Variants in PADI3 observed in about 807,000 individuals in gnomAD.
The protein encoded by PADI3 is peptidyl arginine deiminase 3.
PADI3 carries 53 observed loss-of-function variants against 71.5 expected under a neutral mutation model. The observed-to-expected ratio is 0.74, with a 90% CI of 0.59 to 0.93. The LOEUF is 0.93. PADI3 is among the 40% of genes least tolerant of loss of function. The pLI is 0.00. For synonymous variants in PADI3, 361 were observed against 347.5 expected, an observed-to-expected ratio of 1.04 and a Z score of -0.43; for missense variants, 821 against 868.0, an observed-to-expected ratio of 0.95 and a Z score of 0.68.
In PADI3 at chr1:17,280,291, C is replaced by G. The variant is rs374950719; in HGVS notation, c.1556-59C>G. 296 of 1,326,156 alleles carry G rather than the reference C, an allele frequency of 2.2e-4. 3 individuals are homozygous for G. The African/African-American group carries it at 3.7e-3, about 16-fold the overall frequency. 82.1% of individuals were successfully genotyped at this position (1,326,156 alleles called of 1,614,324 possible). On this transcript the variant is annotated intron_variant, in intron 13 of 15. Coordinates refer to ENST00000375460, the MANE Select transcript of PADI3 (RefSeq NM_016233.2). ...GCTCCTGCCTGTCTGCTTCCCTAAGCAGGTGGTCCTCACGTTGGTGCTGTC... is the reference window on the plus strand; with the variant it reads ...GCTCCTGCCTGTCTGCTTCCCTAAGGAGGTGGTCCTCACGTTGGTGCTGTC...
intron 15 of PADI3, among the ~76,000 whole-genome samples, chr1:17,281,609 C>A (rs1391354880): frequency 6.6e-6 from 1 of 152,026 alleles, no homozygotes; most frequent in South Asian, 2.1e-4. Flanking sequence ...TGCACCACCA[C>A]GCCCGGCTAA....
chr1:17,256,030 G>T (rs1309056079), intron 1 of PADI3, among the ~76,000 whole-genome samples: 1 of 152,096 alleles, frequency 6.6e-6, no homozygotes, highest in Non-Finnish European at 1.5e-5. Context: ...GCTCATTATA[G>T]CCTGAGTCTA....
chr1:17,271,104 G>C lies in PADI3; in HGVS notation c.973G>C (p.Glu325Gln), dbSNP rs377689956. 1 of 1,614,044 alleles carries C rather than the reference G, an allele frequency of 6.2e-7. No individual in the cohort carries two copies. The highest frequency in any genetic ancestry group is 8.5e-7 in the Non-Finnish European group (1 of 1,180,004). The change falls in exon 9 of 16, where the codon GAG becomes CAG. Residue 325 changes from glutamate to glutamine, a missense_variant. By Grantham distance (29) the Glu-to-Gln change is conservative (BLOSUM62 2). Coordinates refer to ENST00000375460, the MANE Select transcript of PADI3 (RefSeq NM_016233.2). ...CACGTGTTTTGTGGATGCGGTGGCA[G>C]AGCTGGCCAGGAAGGCCGGCTGCAA... ...NNTCFVDAVA[E>Q]LARKAGCKLT...
intron 9 of PADI3, among the ~76,000 whole-genome samples, chr1:17,272,217 C>T (rs1410248141): frequency 1.3e-5 from 2 of 152,220 alleles, no homozygotes; most frequent in Admixed American, 6.5e-5. Flanking sequence ...TGGCAGAGAC[C>T]GAGCATGCGC....
chr1:17,272,908 A>G lies in PADI3; in HGVS notation c.1048-432A>G, dbSNP rs996202796. 4.6e-5 allele frequency among the ~76,000 whole-genome samples: 7 copies of G among 152,316 alleles called. No individual in the cohort carries two copies. In the East Asian group the frequency reaches 1.2e-3, roughly 25 times the overall value. On this transcript the variant is annotated intron_variant, in intron 9 of 15. Coordinates refer to ENST00000375460, the MANE Select transcript of PADI3 (RefSeq NM_016233.2). ...GAGGATGAATGGAGTTAATGTTTAT[A>G]AAGAGTTTAGGGCAGGACCTGGATG...
chr1:17,270,532 C>CA, intron 7 of PADI3, 121 bp downstream of exon 7: 2 of 958,328 alleles, frequency 2.1e-6, no homozygotes, highest in Non-Finnish European at 3.0e-6. Context: ...CCTATAGTCC[C>CA]AGTTACTTGG....
intron 1 of PADI3, among the ~76,000 whole-genome samples, chr1:17,250,267 G>A (rs866798861): frequency 6.6e-6 from 1 of 152,280 alleles, no homozygotes; most frequent in Middle Eastern, 3.4e-3. Context: ...CCTCAGCACT[G>A]CTGTCACGAT....
intron 3 of PADI3, among the ~76,000 whole-genome samples, chr1:17,262,708 A>G (rs2073118673): frequency 6.6e-6 from 1 of 152,254 alleles, no homozygotes; most frequent in African/African-American, 2.4e-5. Context: ...ATGCTTTTGA[A>G]GGTTTCACCA....
At position 17,259,590 on chromosome 1, in the gene PADI3, G is replaced by A. The variant is rs1217877340; in HGVS notation, c.105G>A (p.Glu35=). ...CTGCCCTGCCCAGGTCAGTGCCTGA[G>A]GGCACAGAAATGTTTGAGGTCTATG... ...TLVDIYGSVP[E]GTEMFEVYGT... The change falls in exon 2 of 16, where the codon GAG becomes GAA. Residue 35 remains glutamate (E), a synonymous_variant. Transcript: ENST00000375460. 6 of 1,608,362 alleles carry A rather than the reference G, an allele frequency of 3.7e-6. No homozygotes were observed. The highest frequency in any genetic ancestry group is 4.2e-6 in the Non-Finnish European group (5 of 1,176,664).
At chr1:17,255,294 C>A (rs2073014106) in intron 1 of PADI3, among the ~76,000 whole-genome samples, 1 of 152,212 alleles carries the variant, frequency 6.6e-6, no homozygotes, top group South Asian at 2.1e-4. Flanking sequence ...CCACATTTTA[C>A]CCCCAACTCA....
Position 17,267,715 on chromosome 1 carries a change from A to G in PADI3, c.527-122A>G. ...CTTGATGGCTTCCAGGGTTTTCACA[A>G]AGCTAGGGCTGGGAGACCCAGGTCT... is the stretch of plus-strand genomic sequence containing the variant. On this transcript the variant is annotated intron_variant, in intron 5 of 15. Coordinates refer to ENST00000375460, the MANE Select transcript of PADI3 (RefSeq NM_016233.2). 12 of 1,159,800 alleles carry G rather than the reference A, an allele frequency of 1.0e-5. No individual in the cohort carries two copies. In the South Asian group the frequency reaches 1.8e-4, roughly 17 times the overall value. 71.8% of individuals were successfully genotyped at this position (1,159,800 alleles called of 1,614,324 possible). A position where few individuals can be genotyped will look rare whatever the true frequency, so the allele number is the denominator to read the frequency against.
chr1:17,271,920 AG>A (rs1367891528), intron 9 of PADI3, among the ~76,000 whole-genome samples: 1 of 151,222 alleles, frequency 6.6e-6, no homozygotes, highest in African/African-American at 2.4e-5. Flanking sequence ...AAGCACCAGT[AG>A]GGTTTGGGGG....
chr1:17,260,767 A>C (rs944283941), intron 2 of PADI3, among the ~76,000 whole-genome samples: 1 of 152,200 alleles, frequency 6.6e-6, no homozygotes, highest in Non-Finnish European at 1.5e-5. Context: ...AAGTCACATG[A>C]TCTAGCGAGC....
intron 15 of PADI3, among the ~76,000 whole-genome samples, chr1:17,281,259 C>T (rs76805470): frequency 0.011 from 1,732 of 152,272 alleles, 42 homozygotes; most frequent in African/African-American, 0.039. Flanking sequence ...GAAACTCTTC[C>T]CTTCTCTGAG....
Position 17,262,271 on chromosome 1 carries a change from G to T in PADI3, c.346+66G>T, listed in dbSNP as rs2073112245. On this transcript the variant is annotated intron_variant, in intron 3 of 15. Transcript: ENST00000375460. ...TTTGAAAAATTCAAGCAGTACAAAA[G>T]AGTATACGTTGAAAATTAAACCTCC... The T allele has an allele frequency of 3.3e-6, 4 of 1,196,034 alleles. No individual in the cohort carries two copies. In the South Asian group the frequency reaches 5.8e-5, roughly 17 times the overall value. 74.1% of individuals were successfully genotyped at this position (1,196,034 alleles called of 1,614,324 possible).
chr1:17,261,103 G>C (rs958193872), intron 2 of PADI3, among the ~76,000 whole-genome samples: 1 of 152,218 alleles, frequency 6.6e-6, no homozygotes, highest in Non-Finnish European at 1.5e-5. Flanking sequence ...CTACAGAGGT[G>C]AGTGGCCCCT....
intron 3 of PADI3, among the ~76,000 whole-genome samples, chr1:17,263,233 T>A (rs534006993): frequency 6.6e-6 from 1 of 152,226 alleles, no homozygotes; most frequent in Non-Finnish European, 1.5e-5. Context: ...CTTTTTAATA[T>A]AACTTTACAG....
chr1:17,249,260 C>A, intron 1 of PADI3, 31 bp downstream of exon 1: 2 of 1,551,818 alleles, frequency 1.3e-6, no homozygotes, highest in Non-Finnish European at 1.8e-6. Flanking sequence ...GGTTTGCAGG[C>A]CCTTGGTGCT....
chr1:17,276,950 G>A, intron 13 of PADI3, 74 bp downstream of exon 13: 1 of 1,276,810 alleles, frequency 7.8e-7, no homozygotes, highest in Non-Finnish European at 1.1e-6. Context: ...CATGGCTTGA[G>A]AGGGGGAGGG....
Sources: allele counts gnomAD v4.1 joint callset (sites outside exome capture counted in the v4.1 genomes callset), GRCh38; gene constraint gnomAD v4.1.1; transcripts MANE v1.5; gene names NCBI Gene and HGNC (gene_info 2026-07-23, HGNC 2026-07-21).